The following KCNIP4 variants were observed in gnomAD, a reference collection of about 807,000 sequenced individuals.
The protein encoded by KCNIP4 is Kv channel-interacting protein 4.
In KCNIP4, 12 loss-of-function variants were observed where a neutral mutation model predicts 34.0. That is an observed-to-expected ratio of 0.35 (90% CI 0.23 to 0.57). KCNIP4 has a LOEUF of 0.57. Ranked by LOEUF, KCNIP4 falls within the 20% of genes least tolerant of loss-of-function variation. KCNIP4 has a pLI of 0.83. For missense variants in KCNIP4, 238 were observed against 311.7 expected, an observed-to-expected ratio of 0.76 and a Z score of 1.78; for synonymous variants, 124 against 102.2, an observed-to-expected ratio of 1.21 and a Z score of -1.29.
chr4:21,242,265 C>T (rs1454286712), intron 1 of KCNIP4, among the ~76,000 whole-genome samples: 3 of 149,424 alleles, frequency 2.0e-5, no homozygotes, highest in Non-Finnish European at 4.5e-5. Context: ...TGAGCATATA[C>T]TATACATCGA....
At chr4:21,330,651 C>T (rs74560611) in intron 1 of KCNIP4, among the ~76,000 whole-genome samples, 3,562 of 152,138 alleles carry the variant, frequency 0.023, 59 homozygotes, top group South Asian at 0.048. Context: ...GAGCATTCCG[C>T]ATGAATGGTT....
intron 1 of KCNIP4, among the ~76,000 whole-genome samples, chr4:20,947,624 A>G (rs1732324591): frequency 6.6e-6 from 1 of 152,242 alleles, no homozygotes; most frequent in African/African-American, 2.4e-5. Context: ...CCGCTGATTA[A>G]AATAACCTAA....
chr4:20,743,120 A>T (rs534504818), intron 5 of KCNIP4, among the ~76,000 whole-genome samples: 23 of 151,942 alleles, frequency 1.5e-4, no homozygotes, highest in Admixed American at 9.2e-4. Context: ...ATAAAAGAGG[A>T]CACAAACAAA....
chr4:21,011,571 C>T (rs1251885403), intron 1 of KCNIP4, among the ~76,000 whole-genome samples: 1 of 152,180 alleles, frequency 6.6e-6, no homozygotes, highest in African/African-American at 2.4e-5. Flanking sequence ...AAAATGTTCA[C>T]AGGAACCAGA....
At chr4:21,670,487 A>G (rs34034387) in intron 1 of KCNIP4, among the ~76,000 whole-genome samples, 11,130 of 151,176 alleles carry the variant, frequency 0.074, 595 homozygotes, top group African/African-American at 0.14. Context: ...CGAGTTAGTG[A>G]GTGCAGCGCA....
chr4:21,117,592 G>A (rs1446872683), intron 1 of KCNIP4, among the ~76,000 whole-genome samples: 2 of 152,072 alleles, frequency 1.3e-5, no homozygotes, highest in East Asian at 1.9e-4. Flanking sequence ...GCTCTTTCCC[G>A]GAGAGAGGCA....
intron 1 of KCNIP4, among the ~76,000 whole-genome samples, chr4:21,313,453 T>A (rs1164435738): frequency 6.6e-6 from 1 of 152,228 alleles, no homozygotes; most frequent in Admixed American, 6.5e-5. Flanking sequence ...TATGCTGTAG[T>A]TTAATTACTA....
intron 1 of KCNIP4, among the ~76,000 whole-genome samples, chr4:21,189,372 A>G (rs533552576): frequency 1.3e-4 from 20 of 152,290 alleles, no homozygotes; most frequent in Non-Finnish European, 2.4e-4. Flanking sequence ...GAGAAAAAGC[A>G]TCTTATGTCA....
At position 21,015,685 on chromosome 4, in the gene KCNIP4, C is replaced by T. The variant is rs186446907; in HGVS notation, c.62-132976G>A. ...TAATATAATATAATATAGTATATTG[C>T]ATTAATATAATATAATATATTAATT... On this transcript the variant is annotated intron_variant, in intron 1 of 8. Transcript: ENST00000382152. Among the ~76,000 whole-genome samples, 621 of 111,492 alleles carry T rather than the reference C, an allele frequency of 5.6e-3. 18 individuals carry two copies. The highest frequency in any genetic ancestry group is 0.019 in the African/African-American group (498 of 26,044). The allele number at this position is 111,492 out of a possible 152,430, so 73.1% of individuals were successfully genotyped here.
rs115595665 is a variant in KCNIP4, at chr4:21,296,656, C to T, written c.62-413947G>A. On this transcript the variant is annotated intron_variant, in intron 1 of 8. Transcript: ENST00000382152. ...TTCCAGCTGGGATTATTATTAAATC[C>T]AATTATTTTGGCTTCAGAGTCTGTG... Among the ~76,000 whole-genome samples, 1,326 of 151,722 alleles carry T rather than the reference C, an allele frequency of 8.7e-3. 23 individuals carry two copies. Among genetic ancestry groups the T allele is most frequent in the African/African-American group, 0.031 (1,272 of 41,368 alleles).
chr4:21,796,510 C>A (rs1720634562), intron 1 of KCNIP4, among the ~76,000 whole-genome samples: 2 of 152,102 alleles, frequency 1.3e-5, no homozygotes, highest in Admixed American at 6.5e-5. Context: ...ATTTAACTTG[C>A]GTGAGAGAAA....
chr4:20,884,695 C>A (rs1725087275), intron 1 of KCNIP4, among the ~76,000 whole-genome samples: 1 of 150,824 alleles, frequency 6.6e-6, no homozygotes, highest in Non-Finnish European at 1.5e-5. Context: ...ACTTCTGTAT[C>A]CCAGTGCAGC....
Position 20,758,902 on chromosome 4 carries a change from G to A in KCNIP4, c.289-12C>T. 2 of 1,610,330 alleles carry A rather than the reference G, an allele frequency of 1.2e-6. No homozygotes were observed. Among genetic ancestry groups the A allele is most frequent in the Non-Finnish European group, 1.7e-6 (2 of 1,177,398 alleles). ...CCACTGGGGCATTCCTAGGGAAAGT[G>A]GCAGAGAAGCAATATGAGCAAAGTG... On this transcript the variant is annotated splice_polypyrimidine_tract_variant and intron_variant, in intron 3 of 8. Coordinates refer to ENST00000382152, the MANE Select transcript of KCNIP4 (RefSeq NM_025221.6).
Position 21,365,451 on chromosome 4 carries a change from C to T in KCNIP4, c.62-482742G>A, listed in dbSNP as rs146111989. Among the ~76,000 whole-genome samples, 440 of 147,832 alleles carry T rather than the reference C, an allele frequency of 3.0e-3. 2 individuals are homozygous for T. Among genetic ancestry groups the T allele is most frequent in the African/African-American group, 0.01 (406 of 40,092 alleles). On this transcript the variant is annotated intron_variant, in intron 1 of 8. Transcript: ENST00000382152. The stretch of plus-strand genomic sequence containing the variant: ...CAAGATCACACCACTGCACTCCAGC[C>T]TGGATAACAGAGTGAGACTGTCTCA...
chr4:20,930,485 G>C (rs1426668807), intron 1 of KCNIP4, among the ~76,000 whole-genome samples: 1 of 152,016 alleles, frequency 6.6e-6, no homozygotes, highest in Non-Finnish European at 1.5e-5. Flanking sequence ...AAAAGCTTAG[G>C]CTACAGAATC....
chr4:21,727,263 C>T (rs1387580845), intron 1 of KCNIP4, among the ~76,000 whole-genome samples: 2 of 152,108 alleles, frequency 1.3e-5, no homozygotes, highest in Non-Finnish European at 2.9e-5. Context: ...GCCTTTCTCT[C>T]TTCTGTCCTT....
intron 1 of KCNIP4, among the ~76,000 whole-genome samples, chr4:21,515,018 T>G (rs1734642915): frequency 6.6e-6 from 1 of 152,228 alleles, no homozygotes. Flanking sequence ...TAACATAATA[T>G]GTTCTTACAT....
At chr4:21,091,241 G>A (rs1385984541) in intron 1 of KCNIP4, among the ~76,000 whole-genome samples, 2 of 152,112 alleles carry the variant, frequency 1.3e-5, no homozygotes, top group African/African-American at 2.4e-5. Flanking sequence ...GCTAGCTTCT[G>A]TATATACAAA....
chr4:20,887,712 A>C (rs773616520), intron 1 of KCNIP4, among the ~76,000 whole-genome samples: 1 of 152,180 alleles, frequency 6.6e-6, no homozygotes, highest in Non-Finnish European at 1.5e-5. Flanking sequence ...ATTCATAGCT[A>C]AAAGCCTTGC....
Sources: allele counts gnomAD v4.1 joint callset (sites outside exome capture counted in the v4.1 genomes callset), GRCh38; gene constraint gnomAD v4.1.1; transcripts MANE v1.5; gene names NCBI Gene and HGNC (gene_info 2026-07-23, HGNC 2026-07-21).